The following MYO5B variants were observed in gnomAD, a reference collection of about 807,000 sequenced individuals.
MYO5B encodes the protein myosin VB.
Under a neutral mutation model 229.3 loss-of-function variants are expected in MYO5B, and 143 were observed. The ratio of observed to expected loss-of-function variants is 0.62; its 90% CI spans 0.54 to 0.72. MYO5B has a LOEUF of 0.72. Ranked by LOEUF, MYO5B falls within the 30% of genes least tolerant of loss-of-function variation. MYO5B has a pLI of 0.00. For missense variants in MYO5B, 2,321 were observed against 2,331.0 expected (o/e 1.00, Z 0.09); for synonymous variants, 918 against 885.2 (o/e 1.04, Z -0.66).
intron 1 of MYO5B, among the ~76,000 whole-genome samples, chr18:50,080,499 A>G (rs2031193793): frequency 6.6e-6 from 1 of 152,138 alleles, no homozygotes; most frequent in African/African-American, 2.4e-5. Context: ...CATGTGGGGG[A>G]AACCAATGGC....
chr18:50,155,014 C>T (rs1038092730), intron 1 of MYO5B, among the ~76,000 whole-genome samples: 1 of 152,230 alleles, frequency 6.6e-6, no homozygotes, highest in Non-Finnish European at 1.5e-5. Context: ...AGCAGACAAA[C>T]CATCTCAGTT....
At chr18:49,880,642 G>A in intron 22 of MYO5B, 187 bp from the exon 23 acceptor site, 2 of 625,330 alleles carry the variant, frequency 3.2e-6, no homozygotes, top group South Asian at 3.6e-5. Flanking sequence ...AAACAAGACA[G>A]ATGAGCTCAG....
At chr18:50,150,427 C>T (rs2144302280) in intron 1 of MYO5B, among the ~76,000 whole-genome samples, 1 of 146,740 alleles carries the variant, frequency 6.8e-6, no homozygotes, top group Non-Finnish European at 1.5e-5. Flanking sequence ...AGACTTGGAA[C>T]CAACCCAAAT....
chr18:49,871,858 C>T (rs796308762), intron 27 of MYO5B, among the ~76,000 whole-genome samples: 3 of 152,380 alleles, frequency 2.0e-5, no homozygotes, highest in African/African-American at 7.2e-5. Context: ...AGAGGACACA[C>T]TGGCAGATCC....
chr18:49,968,638 A>G (rs533866556), intron 10 of MYO5B, among the ~76,000 whole-genome samples: 1 of 152,196 alleles, frequency 6.6e-6, no homozygotes, highest in East Asian at 1.9e-4. Flanking sequence ...TCAGACCCAC[A>G]ATAAAACTTG....
intron 14 of MYO5B, among the ~76,000 whole-genome samples, chr18:49,937,984 T>C (rs1227529076): frequency 6.6e-6 from 1 of 152,122 alleles, no homozygotes; most frequent in African/African-American, 2.4e-5. Context: ...AAAGGGTGAA[T>C]TTTGTAATGT....
chr18:50,105,641 T>C (rs536857030), intron 1 of MYO5B, among the ~76,000 whole-genome samples: 16 of 152,294 alleles, frequency 1.1e-4, no homozygotes, highest in African/African-American at 3.9e-4. Flanking sequence ...ATTTCTTTTT[T>C]TTTTTCTTTT....
intron 26 of MYO5B, among the ~76,000 whole-genome samples, chr18:49,873,486 A>G (rs970352795): frequency 3.3e-5 from 5 of 152,190 alleles, no homozygotes; most frequent in Non-Finnish European, 5.9e-5. Context: ...CACTGTTTCC[A>G]GCCCTGCAAT....
chr18:49,872,292 G>T, intron 26 of MYO5B, 60 bp from the exon 27 acceptor site: 1 of 1,551,422 alleles, frequency 6.4e-7, no homozygotes, highest in Non-Finnish European at 8.9e-7. Flanking sequence ...CCACAGAGGT[G>T]TTTCCAACTG....
chr18:49,925,833 G>C (rs2025123246), intron 17 of MYO5B, among the ~76,000 whole-genome samples: 1 of 152,164 alleles, frequency 6.6e-6, no homozygotes, highest in Non-Finnish European at 1.5e-5. Flanking sequence ...GCAATGAAAG[G>C]CAGTCTAATT....
At chr18:50,025,156 T>C (rs182293115) in intron 4 of MYO5B, among the ~76,000 whole-genome samples, 4 of 152,316 alleles carry the variant, frequency 2.6e-5, no homozygotes, top group Non-Finnish European at 4.4e-5. Context: ...ACATTTTCCA[T>C]TTAAGATTTT....
In MYO5B at chr18:49,856,806, G is replaced by A. The variant is rs1244299183; in HGVS notation, c.4022+7C>T. ...AGCAGACACAGGAAGAAAGGAATAT[G>A]TTCCACCTGGCAACTTGCTTTAGGC... On this transcript the variant is annotated splice_region_variant and intron_variant, in intron 30 of 39. Transcript: ENST00000285039. 1.2e-6 allele frequency: 2 copies of A among 1,610,056 alleles called. No homozygotes were observed. The highest frequency in any genetic ancestry group is 2.2e-5 in the East Asian group (1 of 44,870).
intron 4 of MYO5B, among the ~76,000 whole-genome samples, chr18:50,035,701 A>G (rs566932378): frequency 6.6e-6 from 1 of 152,356 alleles, no homozygotes; most frequent in South Asian, 2.1e-4. Flanking sequence ...AATATAGTGT[A>G]TGGTCTTTCT....
At chr18:50,117,135 C>T (rs1011539874) in intron 1 of MYO5B, among the ~76,000 whole-genome samples, 49 of 151,848 alleles carry the variant, frequency 3.2e-4, no homozygotes, top group Admixed American at 2.0e-4. Flanking sequence ...GGTCAAGATA[C>T]GATTATGTTC....
At chr18:50,013,114 G>C (rs747584424) in intron 4 of MYO5B, among the ~76,000 whole-genome samples, 5 of 152,200 alleles carry the variant, frequency 3.3e-5, no homozygotes, top group Non-Finnish European at 4.4e-5. Context: ...CCATAAGGTT[G>C]CTAAACACAT....
At chr18:50,037,264 T>C (rs935862144) in intron 3 of MYO5B, among the ~76,000 whole-genome samples, 112 of 147,858 alleles carry the variant, frequency 7.6e-4, no homozygotes, top group African/African-American at 2.6e-3. Flanking sequence ...AAAAAAAAAA[T>C]TGAGTTAATA....
intron 8 of MYO5B, among the ~76,000 whole-genome samples, chr18:49,982,721 A>G (rs1364867433): frequency 1.3e-5 from 2 of 152,210 alleles, no homozygotes; most frequent in Non-Finnish European, 2.9e-5. Context: ...AGCAGAGTTG[A>G]ATGCTTTGCA....
At chr18:50,090,932 T>C (rs1008345787) in intron 1 of MYO5B, among the ~76,000 whole-genome samples, 2 of 152,222 alleles carry the variant, frequency 1.3e-5, no homozygotes, top group African/African-American at 4.8e-5. Flanking sequence ...GAAACAATTC[T>C]AGCCATGCTA....
At chr18:50,106,927 T>C (rs2144510940) in intron 1 of MYO5B, among the ~76,000 whole-genome samples, 1 of 152,206 alleles carries the variant, frequency 6.6e-6, no homozygotes, top group South Asian at 2.1e-4. Context: ...TAAATGCTCA[T>C]TGACCAAGAC....
Sources: gnomAD v4.1 joint callset for allele counts (sites outside exome capture counted in the v4.1 genomes callset) on GRCh38, gnomAD v4.1.1 for gene constraint, MANE v1.5 for transcripts, NCBI Gene and HGNC (gene_info 2026-07-23, HGNC 2026-07-21) for gene names.